EPC1: variants seen among roughly 807,000 people sequenced by gnomAD.
The protein encoded by EPC1 is enhancer of polycomb homolog 1.
A neutral mutation model predicts 98.4 loss-of-function variants in EPC1; 12 were observed. That is an observed-to-expected ratio of 0.12 (90% CI 0.08 to 0.20). EPC1 has a LOEUF of 0.20. Ranked by LOEUF, EPC1 falls within the 10% of genes least tolerant of loss-of-function variation. EPC1 has a pLI of 1.00. For missense variants in EPC1, 729 were observed against 990.5 expected, an observed-to-expected ratio of 0.74 and a Z score of 3.54; for synonymous variants, 357 against 363.9, an observed-to-expected ratio of 0.98 and a Z score of 0.21.
intron 1 of EPC1, among the ~76,000 whole-genome samples, chr10:32,315,856 T>C (rs1463343422): frequency 1.3e-5 from 2 of 152,212 alleles, no homozygotes; most frequent in African/African-American, 4.8e-5. Context: ...ATCCTGTTAA[T>C]ATACAAGTCA....
chr10:32,300,559 G>A (rs1338044745), intron 2 of EPC1, among the ~76,000 whole-genome samples: 3 of 151,118 alleles, frequency 2.0e-5, no homozygotes, highest in East Asian at 2.0e-4. Context: ...TCAGCCTCCC[G>A]AGTAGCTGGG....
At chr10:32,377,346 T>A (rs1288664071) in intron 1 of EPC1, 1 of 152,208 alleles carries the variant, frequency 6.6e-6, no homozygotes, top group Non-Finnish European at 1.5e-5. Context: ...ACTTTTACAA[T>A]GTTGAAGGAA....
intron 1 of EPC1, among the ~76,000 whole-genome samples, chr10:32,342,300 A>C (rs757490997): frequency 2.6e-5 from 4 of 152,248 alleles, no homozygotes; most frequent in Non-Finnish European, 4.4e-5. Flanking sequence ...TAAAATATTA[A>C]AGGTTAAAGA....
intron 1 of EPC1, among the ~76,000 whole-genome samples, chr10:32,321,841 T>C (rs1204701872): frequency 1.3e-5 from 2 of 151,740 alleles, no homozygotes; most frequent in Non-Finnish European, 2.9e-5. Flanking sequence ...TATGGCTGGG[T>C]TCTGGTTGGT....
intron 1 of EPC1, among the ~76,000 whole-genome samples, chr10:32,376,867 CA>C (rs981922276): frequency 4.3e-4 from 65 of 151,376 alleles, no homozygotes; most frequent in Non-Finnish European, 7.7e-4. Context: ...TTTATGTGAC[CA>C]AAAAAAATAC....
At chr10:32,345,043 A>C in intron 1 of EPC1, 2 of 687,988 alleles carry the variant, frequency 2.9e-6, no homozygotes, top group Non-Finnish European at 3.6e-6. Context: ...GGGTAAAACC[A>C]ACACCCCAAT....
At chr10:32,364,758 G>T (rs1407491361) in intron 1 of EPC1, among the ~76,000 whole-genome samples, 1 of 152,112 alleles carries the variant, frequency 6.6e-6, no homozygotes, top group African/African-American at 2.4e-5. Context: ...TATGCCTTTG[G>T]TATTTTCTAA....
rs1837312968 is a variant in EPC1 at position 32,326,917 on chromosome 10, GA to G, written c.153+19845del. 2.3e-5 allele frequency among the ~76,000 whole-genome samples: 3 copies of G among 130,984 alleles called. No individual in the cohort carries two copies. In the South Asian group the frequency reaches 6.9e-4, roughly 30 times the overall value. The allele number at this position is 130,984 out of a possible 152,430, so 85.9% of individuals were successfully genotyped here. A position where few individuals can be genotyped will look rare whatever the true frequency, so the allele number is the denominator to read the frequency against. ...TAACAAATGCTGGTGAGGATGCAGA[GA>G]AAAAAAGAACTCTCACACACTGTCA... On this transcript the variant is annotated intron_variant, in intron 1 of 13. Transcript: ENST00000319778.
chr10:32,278,381 T>G (rs1273185029), intron 10 of EPC1, among the ~76,000 whole-genome samples: 11 of 142,802 alleles, frequency 7.7e-5, no homozygotes, highest in Admixed American at 2.9e-4. Context: ...GTTTTTTTTT[T>G]TTTGTTTTTT....
At chr10:32,343,830 A>G (rs567668940) in intron 1 of EPC1, among the ~76,000 whole-genome samples, 1 of 152,318 alleles carries the variant, frequency 6.6e-6, no homozygotes, top group African/African-American at 2.4e-5. Context: ...CCAATGTTAA[A>G]AGACCTGGAT....
intron 6 of EPC1, among the ~76,000 whole-genome samples, chr10:32,290,465 G>A (rs1385285461): frequency 9.1e-5 from 9 of 98,658 alleles, no homozygotes; most frequent in African/African-American, 3.9e-4. Flanking sequence ...CAGCCCGGGT[G>A]ACAGAGCAAG....
intron 1 of EPC1, among the ~76,000 whole-genome samples, chr10:32,375,836 C>T (rs1190441031): frequency 6.6e-6 from 1 of 151,666 alleles, no homozygotes; most frequent in Non-Finnish European, 1.5e-5. Flanking sequence ...CAACTGTTAC[C>T]ATGAAAGACT....
At chr10:32,311,038 C>T (rs561035979) in intron 1 of EPC1, among the ~76,000 whole-genome samples, 53 of 152,232 alleles carry the variant, frequency 3.5e-4, no homozygotes, top group African/African-American at 1.1e-3. Context: ...CAGCTGGGCA[C>T]GGTGGCTCAC....
At chr10:32,273,328 T>C (rs1444417220) in intron 10 of EPC1, 47 bp from the exon 11 acceptor site, 7 of 1,592,648 alleles carry the variant, frequency 4.4e-6, no homozygotes, top group African/African-American at 4.0e-5. Context: ...CCAGCTGTCA[T>C]GTATGTCTTA....
intron 1 of EPC1, among the ~76,000 whole-genome samples, chr10:32,336,967 CTA>C (rs1289365672): frequency 6.6e-6 from 1 of 152,136 alleles, no homozygotes; most frequent in Admixed American, 6.5e-5. Flanking sequence ...TGGGTTATTT[CTA>C]TGTCTCTGTT....
chr10:32,280,284 G>A (rs886909269), intron 10 of EPC1, among the ~76,000 whole-genome samples: 6 of 152,052 alleles, frequency 3.9e-5, no homozygotes, highest in African/African-American at 9.7e-5. Context: ...GTGAAACCCC[G>A]TCTCTACTAA....
Position 32,287,122 on chromosome 10 carries a change from G to A in EPC1, c.1128C>T (p.Ser376=). Residue 376 remains serine (S), a synonymous_variant, in exon 7 of 14, where the codon AGC becomes AGT. Coordinates refer to ENST00000319778, the MANE Select transcript of EPC1 (RefSeq NM_001272004.3). The part of the protein sequence containing the change: ...AKDLNQYDFP[S]SDEEPLSQVL... ...CCTGGGAGAGAGGTTCTTCGTCTGA[G>A]CTGGGAAAGTCATACTGATTCAGAT... 1 of 1,614,204 alleles carries A rather than the reference G, an allele frequency of 6.2e-7. No individual in the cohort carries two copies. The highest frequency in any genetic ancestry group is 8.5e-7 in the Non-Finnish European group (1 of 1,180,040).
intron 1 of EPC1, among the ~76,000 whole-genome samples, chr10:32,357,000 A>G (rs1313481021): frequency 6.6e-6 from 1 of 152,068 alleles, no homozygotes; most frequent in Non-Finnish European, 1.5e-5. Flanking sequence ...AAAATAAAAA[A>G]ATTTACCAAA....
chr10:32,285,325 T>A lies in EPC1; in HGVS notation c.1392-275A>T, dbSNP rs1426918943. The A allele has an allele frequency of 1.2e-5, 4 of 335,534 alleles. No individual in the cohort carries two copies. In the Admixed American group the frequency reaches 1.8e-4, roughly 15 times the overall value. The allele number at this position is 335,534 out of a possible 1,614,324, so 20.8% of individuals were successfully genotyped here. A position where few individuals can be genotyped will look rare whatever the true frequency, so the allele number is the denominator to read the frequency against. ...TTATAAAATGTTGCGAACACATTTA[T>A]TCTATATTTAAGCAAAAACTTCATT... On this transcript the variant is annotated intron_variant, in intron 9 of 13. Transcript: ENST00000319778.
Sources: gnomAD v4.1 joint callset for allele counts (sites outside exome capture counted in the v4.1 genomes callset) on GRCh38, gnomAD v4.1.1 for gene constraint, MANE v1.5 for transcripts, NCBI Gene and HGNC (gene_info 2026-07-23, HGNC 2026-07-21) for gene names.